Variants in KCNG2 observed in about 807,000 individuals in gnomAD.
The protein encoded by KCNG2 is voltage-gated potassium channel regulatory subunit KCNG2.
A neutral mutation model predicts 12.3 loss-of-function variants in KCNG2; 7 were observed. The ratio of observed to expected loss-of-function variants is 0.57; its 90% CI spans 0.32 to 1.07. KCNG2 has a LOEUF of 1.07. Ranked by LOEUF, KCNG2 falls within the 50% of genes least tolerant of loss-of-function variation. The probability of loss-of-function intolerance (pLI) is 0.04; values close to 1 mark genes in which losing one functional copy is unlikely to be tolerated. For missense variants in KCNG2, 703 were observed against 726.0 expected, an observed-to-expected ratio of 0.97 and a Z score of 0.36; for synonymous variants, 414 against 351.4, an observed-to-expected ratio of 1.18 and a Z score of -1.99.
At chr18:79,881,755 A>G (rs1053135443) in intron 3 of KCNG2, among the ~76,000 whole-genome samples, 19 of 152,236 alleles carry the variant, frequency 1.2e-4, no homozygotes, top group African/African-American at 4.6e-4. Context: ...TGATTGTAAC[A>G]TCTTTATGGA....
intron 1 of KCNG2, among the ~76,000 whole-genome samples, chr18:79,819,706 C>T (rs1385656931): frequency 6.6e-6 from 1 of 152,232 alleles, no homozygotes; most frequent in East Asian, 1.9e-4. Flanking sequence ...GTAAAATACA[C>T]ATCACCTAAG....
intron 1 of KCNG2, among the ~76,000 whole-genome samples, chr18:79,824,942 G>C (rs187757055): frequency 6.6e-6 from 1 of 152,034 alleles, no homozygotes; most frequent in East Asian, 1.9e-4. Context: ...TATTATATTT[G>C]GTTTAAATAT....
Position 79,863,935 on chromosome 18 carries a change from C to G in KCNG2, c.268C>G (p.Leu90Val). The G allele has an allele frequency of 1.5e-6, 2 of 1,353,930 alleles. No homozygotes were observed. Among genetic ancestry groups the G allele is most frequent in the East Asian group, 3.1e-5 (1 of 32,116 alleles). 83.9% of individuals were successfully genotyped at this position (1,353,930 alleles called of 1,614,324 possible). ...CGTGGCGCTTTTGCGCGCAGGGAAG[C>G]TGCGACTGCTGCGGGGCCCGTGCGC... ...AIVALLRAGK[L>V]RLLRGPCALA... The change falls in exon 3 of 4, where the codon CTG becomes GTG. Residue 90 changes from leucine (L) to valine (V), a missense_variant. Physicochemically the swap from Leu to Val is conservative, Grantham distance 32. Transcript: ENST00000316249.
chr18:79,869,185 C>T (rs1979729536), intron 3 of KCNG2, among the ~76,000 whole-genome samples: 2 of 152,172 alleles, frequency 1.3e-5, no homozygotes, highest in Admixed American at 1.3e-4. Flanking sequence ...GAGGGAAGCC[C>T]AGGGTGCTGG....
chr18:79,893,827 G>A (rs1446984467), intron 3 of KCNG2, among the ~76,000 whole-genome samples: 1 of 151,192 alleles, frequency 6.6e-6, no homozygotes, highest in African/African-American at 2.4e-5. Context: ...CTTTGATTGG[G>A]TTGTTCATGC....
At position 79,803,722 on chromosome 18, in the gene KCNG2, C is replaced by A. The variant is rs993986425; in HGVS notation, c.-115+5708C>A. Among the ~76,000 whole-genome samples the A allele has an allele frequency of 6.6e-6, 1 of 152,234 alleles. No homozygotes were observed. The highest frequency in any genetic ancestry group is 1.9e-4 in the East Asian group (1 of 5,200). ...GGAGCCTGCCCTCCTGTCCAGGAGCCCTCACAGCTCAGCCGGGGCCCTCCT... is the reference window on the plus strand; with the variant it reads ...GGAGCCTGCCCTCCTGTCCAGGAGCACTCACAGCTCAGCCGGGGCCCTCCT... On this transcript the variant is annotated intron_variant, in intron 1 of 3. Transcript: ENST00000316249. This position sits in a 1 kb window ranked among gnomAD's most constrained non-coding sequence, Gnocchi z 4.5.
intron 1 of KCNG2, among the ~76,000 whole-genome samples, chr18:79,846,837 G>A (rs117442894): frequency 0.019 from 2,931 of 152,312 alleles, 45 homozygotes; most frequent in Non-Finnish European, 0.032. Context: ...TCACCGCCGA[G>A]GTTAACAGTT....
intron 1 of KCNG2, among the ~76,000 whole-genome samples, chr18:79,850,906 C>G (rs149106853): frequency 6.6e-6 from 1 of 152,152 alleles, no homozygotes; most frequent in Non-Finnish European, 1.5e-5. Flanking sequence ...ACCAGGTGGC[C>G]GCACAGAGTG....
chr18:79,877,349 G>T (rs755904122), intron 3 of KCNG2, among the ~76,000 whole-genome samples: 3 of 152,224 alleles, frequency 2.0e-5, no homozygotes, highest in Non-Finnish European at 2.9e-5. Flanking sequence ...CTCAGTGGCC[G>T]CGGCTGTTTG....
intron 1 of KCNG2, among the ~76,000 whole-genome samples, chr18:79,850,735 T>C (rs1297054137): frequency 1.3e-5 from 2 of 152,260 alleles, no homozygotes; most frequent in South Asian, 2.1e-4. Flanking sequence ...TTAGCTATGA[T>C]GAGTTTCTTC....
At chr18:79,824,252 G>A (rs2087595187) in intron 1 of KCNG2, among the ~76,000 whole-genome samples, 1 of 152,252 alleles carries the variant, frequency 6.6e-6, no homozygotes, top group Non-Finnish European at 1.5e-5. Context: ...CCCGACCTTG[G>A]CCTCCCAAAG....
intron 1 of KCNG2, among the ~76,000 whole-genome samples, chr18:79,802,382 C>G (rs1426646133): frequency 6.6e-6 from 1 of 151,898 alleles, no homozygotes; most frequent in Non-Finnish European, 1.5e-5. Flanking sequence ...GCCTCAACAC[C>G]TGTCCCAGCC....
intron 3 of KCNG2, among the ~76,000 whole-genome samples, chr18:79,877,518 C>G (rs562975623): frequency 6.6e-6 from 1 of 152,312 alleles, no homozygotes; most frequent in Admixed American, 6.5e-5. Context: ...TGAGCCCTCC[C>G]TCGCCGTTGG....
At chr18:79,820,186 C>T (rs945710559) in intron 1 of KCNG2, among the ~76,000 whole-genome samples, 4 of 152,240 alleles carry the variant, frequency 2.6e-5, no homozygotes, top group African/African-American at 9.6e-5. Flanking sequence ...CTCTGAACGT[C>T]GGCGCTTGTA....
intron 3 of KCNG2, among the ~76,000 whole-genome samples, chr18:79,894,363 CGATTG>C (rs1568274347): frequency 6.4e-3 from 936 of 145,184 alleles, no homozygotes; most frequent in South Asian, 8.7e-3. Flanking sequence ...CCATTCATAA[CGATTG>C]ATATAGTTGG....
Position 79,869,314 on chromosome 18 carries a change from G to T in KCNG2, c.624+5023G>T, listed in dbSNP as rs868804719. Among the ~76,000 whole-genome samples, 5 of 152,208 alleles carry T rather than the reference G, an allele frequency of 3.3e-5. No homozygotes were observed. In the South Asian group the frequency reaches 1.0e-3, roughly 31 times the overall value. On this transcript the variant is annotated intron_variant, in intron 3 of 3. Coordinates refer to ENST00000316249, the MANE Select transcript of KCNG2 (RefSeq NM_012283.2). ...GGACCACGGAAACGCCTGGTCTGCT[G>T]CACACGGCGGGTGCGGAAGAAATAG...
rs1012430298 is a variant in KCNG2 at position 79,884,001 on chromosome 18, C to T, written c.625-15039C>T. Among the ~76,000 whole-genome samples, 5 of 151,932 alleles carry T rather than the reference C, an allele frequency of 3.3e-5. No homozygotes were observed. Among genetic ancestry groups the T allele is most frequent in the Admixed American group, 2.6e-4 (4 of 15,268 alleles). ...CTGGGTGGGGACCGTCCCCCGCCCC[C>T]GTCTAGCCAGTCCCCACGTCCTGAC... On this transcript the variant is annotated intron_variant, in intron 3 of 3. Transcript: ENST00000316249. This position sits in a 1 kb window ranked among gnomAD's most constrained non-coding sequence, Gnocchi z 5.5.
chr18:79,821,925 T>C (rs764496971), intron 1 of KCNG2, among the ~76,000 whole-genome samples: 6 of 152,224 alleles, frequency 3.9e-5, no homozygotes, highest in Non-Finnish European at 5.9e-5. Flanking sequence ...TAAGACTCCA[T>C]ATGAATTTTA....
chr18:79,880,706 T>G (rs1379679981), intron 3 of KCNG2, among the ~76,000 whole-genome samples: 1 of 151,952 alleles, frequency 6.6e-6, no homozygotes, highest in Non-Finnish European at 1.5e-5. Flanking sequence ...CAACAAAACA[T>G]CAGTAAATCG....
Sources: allele counts gnomAD v4.1 joint callset (sites outside exome capture counted in the v4.1 genomes callset), GRCh38; gene constraint gnomAD v4.1.1; non-coding constraint Gnocchi (gnomAD v3.1); transcripts MANE v1.5; gene names NCBI Gene and HGNC (gene_info 2026-07-23, HGNC 2026-07-21).